The following PCDHGA3 variants were observed in gnomAD, a reference collection of about 807,000 sequenced individuals.
The protein encoded by PCDHGA3 is protocadherin gamma-A3.
Under a neutral mutation model 58.5 loss-of-function variants are expected in PCDHGA3, and 40 were observed. That is an observed-to-expected ratio of 0.68 (90% confidence interval 0.53 to 0.89). PCDHGA3 has a LOEUF of 0.89. Ranked by LOEUF, PCDHGA3 falls within the 40% of genes least tolerant of loss-of-function variation. PCDHGA3 has a pLI of 0.00. For synonymous variants in PCDHGA3, 530 were observed against 525.7 expected (o/e 1.01, Z -0.11); for missense variants, 1,223 against 1,195.9 (o/e 1.02, Z -0.33).
At chr5:141,434,830 C>A (rs7703679) in intron 1 of PCDHGA3, among the ~76,000 whole-genome samples, 45,467 of 151,546 alleles carry the variant, frequency 0.3, 8,050 homozygotes, top group African/African-American at 0.5. Flanking sequence ...GTACACTTGG[C>A]ATTTATAAAG....
chr5:141,413,588 A>G, intron 1 of PCDHGA3: 1 of 1,613,922 alleles, frequency 6.2e-7, no homozygotes, highest in Non-Finnish European at 8.5e-7. Context: ...CCAAAATTCC[A>G]AGCAGAAAAT....
In PCDHGA3 at chr5:141,345,040, C is replaced by T. The variant is rs749420304; in HGVS notation, c.1007C>T (p.Thr336Met). 51 of 1,613,942 alleles carry T rather than the reference C, an allele frequency of 3.2e-5. 1 individual carries two copies. The South Asian group carries it at 4.3e-4, about 14-fold the overall frequency. The change falls in exon 1 of 4, where the codon ACG (threonine) becomes ATG (methionine). Residue 336 changes from threonine to methionine, a missense_variant. Coordinates refer to ENST00000253812, the MANE Select transcript of PCDHGA3 (RefSeq NM_018916.4). The stretch of plus-strand genomic sequence containing the variant: ...CTTTCAAGAGCCAAGATTCTAGTCA[C>T]GGTTCTGGATGTGAATGACAATGCT... ...GLLSRAKILVTVLDVNDNAPE... is the reference protein window; with the variant it reads ...GLLSRAKILVMVLDVNDNAPE...
intron 1 of PCDHGA3, chr5:141,409,458 A>G (rs1435071611): frequency 4.3e-6 from 7 of 1,613,820 alleles, no homozygotes; most frequent in East Asian, 2.2e-5. Context: ...CCAGAATACA[A>G]TGTCACCATC....
chr5:141,503,367 C>T (rs1038565489), intron 2 of PCDHGA3, among the ~76,000 whole-genome samples: 5 of 151,908 alleles, frequency 3.3e-5, no homozygotes, highest in African/African-American at 9.7e-5. Flanking sequence ...GAAGCGGAGG[C>T]AGGTGGATCA....
intron 1 of PCDHGA3, chr5:141,409,350 G>T: frequency 6.2e-7 from 1 of 1,613,922 alleles, no homozygotes; most frequent in Non-Finnish European, 8.5e-7. Context: ...GGAGAAGTCA[G>T]GTGTAATATA....
Position 141,476,854 on chromosome 5 carries a change from G to A in PCDHGA3, c.2425-17953G>A. The A allele has an allele frequency of 6.2e-7, 1 of 1,613,860 alleles. No individual in the cohort carries two copies. The highest frequency in any genetic ancestry group is 1.1e-5 in the South Asian group (1 of 91,088). ...ATGACAATGCGCCTGTCTTCAACCA[G>A]TCCTTGTACCGGGCGCGCGTCCTGG... On this transcript the variant is annotated intron_variant, in intron 1 of 3. Transcript: ENST00000253812. This position sits in a 1 kb window ranked among gnomAD's most constrained non-coding sequence, Gnocchi z 7.6.
chr5:141,412,534 A>G (rs1324712420), intron 1 of PCDHGA3: 1 of 152,192 alleles, frequency 6.6e-6, no homozygotes, highest in African/African-American at 2.4e-5. Context: ...ACAATTATAA[A>G]GCTTCAGAGT....
At chr5:141,362,774 C>T (rs1265004246) in intron 1 of PCDHGA3, 13 of 610,680 alleles carry the variant, frequency 2.1e-5, no homozygotes, top group Non-Finnish European at 3.3e-5. Context: ...AGATATTGCA[C>T]TGTATTTCTT....
Position 141,345,431 on chromosome 5 carries a change from C to G in PCDHGA3, c.1398C>G (p.Pro466=). Residue 466 remains proline (P), a synonymous_variant, in exon 1 of 4, where the codon CCC becomes CCG. Transcript: ENST00000253812. ...SYSAYIPENN[P]RGASIFSVTA... ...CCGCCTACATTCCAGAAAACAACCC[C>G]AGAGGAGCCTCCATCTTCTCAGTGA... The G allele has an allele frequency of 1.2e-6, 2 of 1,614,066 alleles. No homozygotes were observed. The highest frequency in any genetic ancestry group is 1.7e-6 in the Non-Finnish European group (2 of 1,180,016).
intron 2 of PCDHGA3, among the ~76,000 whole-genome samples, chr5:141,496,230 C>T (rs1336418553): frequency 2.6e-5 from 4 of 152,160 alleles, no homozygotes; most frequent in Admixed American, 2.0e-4. Flanking sequence ...AGACAGGAAC[C>T]CCCTGCGGGC....
rs371882850 is a variant in PCDHGA3 at position 141,345,006 on chromosome 5, C to A, written c.973C>A (p.Pro325Thr). Reference sequence around the variant, plus strand: ...AATTAAAATTGAAGCACAGGATGGACCAGGTCTTCTTTCAAGAGCCAAGAT... The same window carrying A: ...AATTAAAATTGAAGCACAGGATGGAACAGGTCTTCTTTCAAGAGCCAAGAT... ...YEIKIEAQDG[P>T]GLLSRAKILV... The change falls in exon 1 of 4, where the codon CCA (proline) becomes ACA (threonine). Residue 325 changes from proline to threonine, a missense_variant. Physicochemically the swap from Pro to Thr is conservative, Grantham distance 38. Around this residue, in one of 3 missense-constraint regions of PCDHGA3, gnomAD observed 791 missense variants for 708.5 expected, o/e 1.12. Coordinates refer to ENST00000253812, the MANE Select transcript of PCDHGA3 (RefSeq NM_018916.4). 1.3e-5 allele frequency: 21 copies of A among 1,613,844 alleles called. No individual in the cohort carries two copies. The highest frequency in any genetic ancestry group is 1.8e-5 in the Non-Finnish European group (21 of 1,179,864).
intron 1 of PCDHGA3, chr5:141,408,778 A>G (rs1261786266): frequency 6.2e-7 from 1 of 1,612,198 alleles, no homozygotes; most frequent in Non-Finnish European, 8.5e-7. Flanking sequence ...GCAAATACCC[A>G]GAGTTATCTC....
In PCDHGA3 at chr5:141,489,684, T is replaced by A; in HGVS notation, c.2425-5123T>A. 1 of 1,614,180 alleles carries A rather than the reference T, an allele frequency of 6.2e-7. No homozygotes were observed. Among genetic ancestry groups the A allele is most frequent in the South Asian group, 1.1e-5 (1 of 91,078 alleles). ...TGCGCATCTCAGAATCAGCAGCATC[T>A]GGGGCACGATTCCCACTGGACAGTG... On this transcript the variant is annotated intron_variant, in intron 1 of 3. Transcript: ENST00000253812. This position sits in a 1 kb window ranked among gnomAD's most constrained non-coding sequence, Gnocchi z 4.5.
At chr5:141,494,069 C>T (rs1249076667) in intron 1 of PCDHGA3, among the ~76,000 whole-genome samples, 1 of 152,146 alleles carries the variant, frequency 6.6e-6, no homozygotes, top group Non-Finnish European at 1.5e-5. Context: ...GAGCTGGATC[C>T]CTCCCCGCTG....
At chr5:141,358,959 G>A (rs190697556) in intron 1 of PCDHGA3, among the ~76,000 whole-genome samples, 2 of 152,314 alleles carry the variant, frequency 1.3e-5, no homozygotes, top group South Asian at 2.1e-4. Flanking sequence ...CTTTCATTTA[G>A]GTTCTGTGAG....
chr5:141,398,989 T>A lies in PCDHGA3; in HGVS notation c.2424+52532T>A, dbSNP rs766277028. 153 of 1,613,914 alleles carry A rather than the reference T, an allele frequency of 9.5e-5. No individual in the cohort carries two copies. The Middle Eastern group carries it at 3.6e-3, about 38-fold the overall frequency. ...TTCCTTCTACAGAACCGGGCAAATC[T>A]TTAGTCTGAATTCAAAGAGCGGAGA... is the stretch of plus-strand genomic sequence containing the variant. On this transcript the variant is annotated intron_variant, in intron 1 of 3. Coordinates refer to ENST00000253812, the MANE Select transcript of PCDHGA3 (RefSeq NM_018916.4).
Position 141,403,062 on chromosome 5 carries a change from A to G in PCDHGA3, c.2424+56605A>G, listed in dbSNP as rs780758422. On this transcript the variant is annotated intron_variant, in intron 1 of 3. Transcript: ENST00000253812. ...AGTCAGATTCGCTACTCAGTGCCTG[A>G]AGAGACAGAAAAGGGCTATATTGTG... is the stretch of plus-strand genomic sequence containing the variant. The G allele has an allele frequency of 7.4e-6, 12 of 1,613,964 alleles. 1 individual carries two copies. The South Asian group carries it at 1.1e-4, about 15-fold the overall frequency.
intron 1 of PCDHGA3, chr5:141,372,188 G>C: frequency 6.2e-7 from 1 of 1,613,564 alleles, no homozygotes; most frequent in Non-Finnish European, 8.5e-7. Context: ...ACGCAGACTC[G>C]GGATACAACG....
At position 141,493,332 on chromosome 5, in the gene PCDHGA3, C is replaced by T. The variant is rs2099747680; in HGVS notation, c.2425-1475C>T. 6.6e-6 allele frequency among the ~76,000 whole-genome samples: 1 copy of T among 152,210 alleles called. No homozygotes were observed. The highest frequency in any genetic ancestry group is 1.5e-5 in the Non-Finnish European group (1 of 68,036). Reference sequence around the variant, plus strand: ...AAGAGAGATTCTAACCCCTGTCTAACTCCAGAATGTGTGCTTTTAATTTCT... The same window carrying T: ...AAGAGAGATTCTAACCCCTGTCTAATTCCAGAATGTGTGCTTTTAATTTCT... On this transcript the variant is annotated intron_variant, in intron 1 of 3. Transcript: ENST00000253812. This position sits in a 1 kb window ranked among gnomAD's most constrained non-coding sequence, Gnocchi z 4.3.
Sources: allele counts gnomAD v4.1 joint callset (sites outside exome capture counted in the v4.1 genomes callset), GRCh38; gene constraint gnomAD v4.1.1; regional missense constraint gnomAD v4.1.1; non-coding constraint Gnocchi (gnomAD v3.1); transcripts MANE v1.5; gene names NCBI Gene and HGNC (gene_info 2026-07-23, HGNC 2026-07-21).